MAST3: variants seen among roughly 807,000 people sequenced by gnomAD.
MAST3 encodes microtubule associated serine/threonine kinase 3.
Under a neutral mutation model 127.0 loss-of-function variants are expected in MAST3, and 43 were observed. That is an observed-to-expected ratio of 0.34 (90% CI 0.27 to 0.44). The LOEUF (loss-of-function observed/expected upper bound fraction) is 0.44. MAST3 is among the 20% of genes least tolerant of loss of function. The pLI, the probability that MAST3 is intolerant of heterozygous loss-of-function variation, is 1.00. For missense variants in MAST3, 1,390 were observed against 1,919.1 expected, an observed-to-expected ratio of 0.72 and a Z score of 5.15; for synonymous variants, 785 against 809.2, an observed-to-expected ratio of 0.97 and a Z score of 0.51.
Position 18,144,747 on chromosome 19 carries a change from A to C in MAST3, c.2812+54A>C. On this transcript the variant is annotated intron_variant, in intron 23 of 27. Coordinates refer to ENST00000687212, the MANE Select transcript of MAST3 (RefSeq NM_001393504.1). The surrounding 1 kb of genome is among the most constrained non-coding windows in gnomAD (Gnocchi z 4.0). ...TCTGTCTGCACCCATTTTCACCAAC[A>C]GGGTGGGGGCCCTTCCTGAGTTGGG... 6.4e-7 allele frequency: 1 copy of C among 1,573,742 alleles called. No homozygotes were observed. The highest frequency in any genetic ancestry group is 8.6e-7 in the Non-Finnish European group (1 of 1,156,116).
At chr19:18,143,665 G>T in intron 21 of MAST3, 98 bp from the exon 22 acceptor site, 1 of 1,480,960 alleles carries the variant, frequency 6.8e-7, no homozygotes, top group South Asian at 1.3e-5. Context: ...AATTACCCTT[G>T]ACTGCAGACT....
chr19:18,115,379 A>G (rs1001223669), intron 3 of MAST3, among the ~76,000 whole-genome samples: 1 of 151,938 alleles, frequency 6.6e-6, no homozygotes, highest in Admixed American at 6.6e-5. Context: ...TACTGGGTGT[A>G]GCTGTGGCTG....
intron 3 of MAST3, among the ~76,000 whole-genome samples, chr19:18,111,078 G>A (rs2146942391): frequency 6.6e-6 from 1 of 152,250 alleles, no homozygotes; most frequent in East Asian, 1.9e-4. Flanking sequence ...GGTGACCTCA[G>A]GGAGAAAGCT....
Position 18,121,667 on chromosome 19 carries a change from C to A in MAST3, c.162-18C>A. The A allele has an allele frequency of 6.2e-7, 1 of 1,610,862 alleles. No individual in the cohort carries two copies. Among genetic ancestry groups the A allele is most frequent in the Non-Finnish European group, 8.5e-7 (1 of 1,177,896 alleles). ...GGCCCTGGGCAGCCACCTACCCTGT[C>A]CCCTTTTCCCCCCACAGCTGCCGCA... On this transcript the variant is annotated intron_variant, in intron 3 of 27. Transcript: ENST00000687212.
chr19:18,110,642 T>A lies in MAST3; in HGVS notation c.72-10T>A. On this transcript the variant is annotated splice_polypyrimidine_tract_variant and intron_variant, in intron 2 of 27. Transcript: ENST00000687212. This position sits in a 1 kb window ranked among gnomAD's most constrained non-coding sequence, Gnocchi z 4.3. ...GCCAGGTTCACCGTCCCCGGCCTCT[T>A]TCTTTGCAGTCTGTCTCCGAGCAGC... 2 of 984,962 alleles carry A rather than the reference T, an allele frequency of 2.0e-6. No homozygotes were observed. The highest frequency in any genetic ancestry group is 2.4e-6 in the Non-Finnish European group (2 of 829,164). The allele number at this position is 984,962 out of a possible 1,614,324, so 61.0% of individuals were successfully genotyped here. A position where few individuals can be genotyped will look rare whatever the true frequency, so the allele number is the denominator to read the frequency against.
chr19:18,132,185 T>C, intron 15 of MAST3, 138 bp downstream of exon 15: 1 of 1,195,254 alleles, frequency 8.4e-7, no homozygotes, highest in Non-Finnish European at 1.2e-6. Flanking sequence ...CTGAGCTCTG[T>C]TGGTACCTCC....
Position 18,147,491 on chromosome 19 carries a change from C to T in MAST3, c.3375C>T (p.His1125=), listed in dbSNP as rs1246486247. Residue 1125 remains histidine, a synonymous_variant, in exon 27 of 28, where the codon CAC becomes CAT. Coordinates refer to ENST00000687212, the MANE Select transcript of MAST3 (RefSeq NM_001393504.1). Reference sequence around the variant, plus strand: ...TCTCCAAGCAGACCTCCGTGCTGCACACCAGCCGCAGCTTCTCCTCCGGAC... The same window carrying T: ...TCTCCAAGCAGACCTCCGTGCTGCATACCAGCCGCAGCTTCTCCTCCGGAC... ...KKISKQTSVL[H]TSRSFSSGLH... is the part of the protein sequence containing the mutation. 21 of 1,613,054 alleles carry T rather than the reference C, an allele frequency of 1.3e-5. No homozygotes were observed. The highest frequency in any genetic ancestry group is 3.3e-4 in the Middle Eastern group (2 of 6,060).
rs146439155 is a variant in MAST3, at chr19:18,103,230, C to T, written c.40-4357C>T. Reference sequence around the variant, plus strand: ...GAGCTGCCGATTTTGCCTCACCTCTCTCTGCCACTTTAAAAAAACATCTTC... The same window carrying T: ...GAGCTGCCGATTTTGCCTCACCTCTTTCTGCCACTTTAAAAAAACATCTTC... On this transcript the variant is annotated intron_variant, in intron 1 of 27. Coordinates refer to ENST00000687212, the MANE Select transcript of MAST3 (RefSeq NM_001393504.1). 6.6e-5 allele frequency among the ~76,000 whole-genome samples: 10 copies of T among 152,242 alleles called. No homozygotes were observed. In the East Asian group the frequency reaches 1.9e-3, roughly 29 times the overall value.
At chr19:18,139,921 G>A (rs572931086) in intron 20 of MAST3, among the ~76,000 whole-genome samples, 2 of 147,504 alleles carry the variant, frequency 1.4e-5, no homozygotes, top group African/African-American at 2.5e-5. Context: ...CCGGGTTCAC[G>A]CCATTCTCCT....
chr19:18,149,941 TA>T lies in MAST3; in HGVS notation c.*218del. 1 of 529,488 alleles carries T rather than the reference TA, an allele frequency of 1.9e-6. No homozygotes were observed. Among genetic ancestry groups the T allele is most frequent in the South Asian group, 2.8e-5 (1 of 35,822 alleles). The allele number at this position is 529,488 out of a possible 1,614,324, so 32.8% of individuals were successfully genotyped here. Reference sequence around the variant, plus strand: ...AGAATGGGGGACAAGGGTGGCTTTGTAAATAGCAGCAAATCCCTGCAACTAA... The same window carrying T: ...AGAATGGGGGACAAGGGTGGCTTTGTAATAGCAGCAAATCCCTGCAACTAA... On this transcript the variant is annotated 3_prime_UTR_variant, in exon 28 of 28. Coordinates refer to ENST00000687212, the MANE Select transcript of MAST3 (RefSeq NM_001393504.1). This position sits in a 1 kb window ranked among gnomAD's most constrained non-coding sequence, Gnocchi z 5.9.
At position 18,144,779 on chromosome 19, in the gene MAST3, G is replaced by A. The variant is rs905239098; in HGVS notation, c.2812+86G>A. 8 of 1,433,636 alleles carry A rather than the reference G, an allele frequency of 5.6e-6. No homozygotes were observed. In the African/African-American group the frequency reaches 8.4e-5, roughly 15 times the overall value. The allele number at this position is 1,433,636 out of a possible 1,614,324, so 88.8% of individuals were successfully genotyped here. On this transcript the variant is annotated intron_variant, in intron 23 of 27. Coordinates refer to ENST00000687212, the MANE Select transcript of MAST3 (RefSeq NM_001393504.1). The surrounding 1 kb of genome is among the most constrained non-coding windows in gnomAD (Gnocchi z 4.0). ...GGGCCCTTCCTGAGTTGGGGAGGCT[G>A]GGGATGAGCCCCAGAAGAGGGGAGG... is the stretch of plus-strand genomic sequence containing the variant.
rs1364246940 is a variant in MAST3 at position 18,151,499 on chromosome 19, C to A, written c.*1773C>A. On this transcript the variant is annotated 3_prime_UTR_variant, in exon 28 of 28. Transcript: ENST00000687212. ...CCGACTCCAGCCCCAGCTCATCCCC[C>A]ATGATGCTGTGTGACCCACTGGGCA... 5 of 152,252 alleles carry A rather than the reference C, an allele frequency of 3.3e-5. No homozygotes were observed. Among genetic ancestry groups the A allele is most frequent in the Non-Finnish European group, 5.9e-5 (4 of 68,074 alleles). The allele number at this position is 152,252 out of a possible 1,614,324, so 9.4% of individuals were successfully genotyped here.
chr19:18,147,807 A>T (rs2043185631), intron 27 of MAST3, among the ~76,000 whole-genome samples, 183 bp downstream of exon 27: 1 of 152,170 alleles, frequency 6.6e-6, no homozygotes, highest in South Asian at 2.1e-4. Flanking sequence ...CCAGGGAAGG[A>T]TGCACCCAGC....
In MAST3 at chr19:18,105,609, G is replaced by A. The variant is rs182633992; in HGVS notation, c.40-1978G>A. On this transcript the variant is annotated intron_variant, in intron 1 of 27. Coordinates refer to ENST00000687212, the MANE Select transcript of MAST3 (RefSeq NM_001393504.1). Reference sequence around the variant, plus strand: ...AATCGCTTGAACCTGGGAGACAGAGGTTGCAGCGAGCCGAGATTGTGTCAT... The same window carrying A: ...AATCGCTTGAACCTGGGAGACAGAGATTGCAGCGAGCCGAGATTGTGTCAT... Among the ~76,000 whole-genome samples the A allele has an allele frequency of 7.0e-3, 1,062 of 151,560 alleles. 7 individuals are homozygous for A. Among genetic ancestry groups the A allele is most frequent in the Non-Finnish European group, 0.01 (710 of 67,932 alleles).
In MAST3 at chr19:18,134,952, C is replaced by T; in HGVS notation, c.1840C>T (p.Pro614Ser). The change falls in exon 17 of 28, where the codon CCC becomes TCC. Residue 614 changes from proline to serine, a missense_variant. Transcript: ENST00000687212. ...CTGCGTGCCTTTCTTTGGAGATACC[C>T]CCGAGGAACTCTTCGGTCAGGTGGT... ...VGCVPFFGDTPEELFGQVVSD... is the reference protein window; with the variant it reads ...VGCVPFFGDTSEELFGQVVSD... The T allele has an allele frequency of 1.2e-6, 2 of 1,613,152 alleles. No homozygotes were observed. The highest frequency in any genetic ancestry group is 1.3e-5 in the African/African-American group (1 of 74,996).
chr19:18,111,713 T>C (rs1031523055), intron 3 of MAST3, among the ~76,000 whole-genome samples: 3 of 152,018 alleles, frequency 2.0e-5, no homozygotes, highest in Admixed American at 6.5e-5. Flanking sequence ...TTTTGTATTT[T>C]AGTAGAGATG....
At chr19:18,115,330 C>T (rs1240520259) in intron 3 of MAST3, among the ~76,000 whole-genome samples, 2 of 152,016 alleles carry the variant, frequency 1.3e-5, no homozygotes, top group East Asian at 1.9e-4. Flanking sequence ...CTACAGATGT[C>T]AGGGCAGTGG....
Position 18,144,757 on chromosome 19 carries a change from C to A in MAST3, c.2812+64C>A. On this transcript the variant is annotated intron_variant, in intron 23 of 27. Transcript: ENST00000687212. The surrounding 1 kb of genome is among the most constrained non-coding windows in gnomAD (Gnocchi z 4.0). ...CCCATTTTCACCAACAGGGTGGGGG[C>A]CCTTCCTGAGTTGGGGAGGCTGGGG... 6.4e-7 allele frequency: 1 copy of A among 1,559,320 alleles called. No homozygotes were observed. Among genetic ancestry groups the A allele is most frequent in the Non-Finnish European group, 8.7e-7 (1 of 1,144,022 alleles).
chr19:18,145,957 A>G lies in MAST3; in HGVS notation c.3162+92A>G. On this transcript the variant is annotated intron_variant, in intron 25 of 27. Coordinates refer to ENST00000687212, the MANE Select transcript of MAST3 (RefSeq NM_001393504.1). The surrounding 1 kb of genome is among the most constrained non-coding windows in gnomAD (Gnocchi z 5.9). ...CGTGGTTCTCCGCGTCCAGACACAC[A>G]ACCCCACATTCAATGTCAACTCCAG... 1 of 1,423,234 alleles carries G rather than the reference A, an allele frequency of 7.0e-7. No individual in the cohort carries two copies. The highest frequency in any genetic ancestry group is 1.4e-5 in the South Asian group (1 of 72,270). 88.2% of individuals were successfully genotyped at this position (1,423,234 alleles called of 1,614,324 possible). A position where few individuals can be genotyped will look rare whatever the true frequency, so the allele number is the denominator to read the frequency against.
Sources: allele counts gnomAD v4.1 joint callset (sites outside exome capture counted in the v4.1 genomes callset), GRCh38; gene constraint gnomAD v4.1.1; non-coding constraint Gnocchi (gnomAD v3.1); transcripts MANE v1.5; gene names NCBI Gene and HGNC (gene_info 2026-07-23, HGNC 2026-07-21).